The following WWOX variants were observed in gnomAD, a reference collection of about 807,000 sequenced individuals.
The protein encoded by WWOX is WW domain-containing oxidoreductase.
WWOX carries 69 observed loss-of-function variants against 46.2 expected under a neutral mutation model. The ratio of observed to expected loss-of-function variants is 1.49; its 90% CI spans 1.23 to 1.82. The LOEUF is 1.82. WWOX is among the 40% of genes most tolerant of loss of function. The pLI, the probability that WWOX is intolerant of heterozygous loss-of-function variation, is 0.00. For synonymous variants in WWOX, 359 were observed against 202.6 expected, an observed-to-expected ratio of 1.77 and a Z score of -6.56; for missense variants, 919 against 542.6, an observed-to-expected ratio of 1.69 and a Z score of -6.89.
chr16:78,617,089 C>T (rs111466109), intron 8 of WWOX, among the ~76,000 whole-genome samples: 1 of 152,114 alleles, frequency 6.6e-6, no homozygotes, highest in Non-Finnish European at 1.5e-5. Context: ...TCTGTTCAAC[C>T]CTCCACATCA....
chr16:78,865,883 A>G (rs562285111), intron 8 of WWOX, among the ~76,000 whole-genome samples: 2 of 152,350 alleles, frequency 1.3e-5, no homozygotes, highest in South Asian at 2.1e-4. Context: ...GTCTCAAAAA[A>G]TAAACAAGAA....
intron 8 of WWOX, among the ~76,000 whole-genome samples, chr16:78,478,141 T>A (rs1020887383): frequency 6.6e-6 from 1 of 152,196 alleles, no homozygotes; most frequent in African/African-American, 2.4e-5. Context: ...CACAGCAAGG[T>A]ATGTACGGTT....
chr16:78,457,884 C>T (rs2083858113), intron 8 of WWOX, among the ~76,000 whole-genome samples: 1 of 140,596 alleles, frequency 7.1e-6, no homozygotes, highest in Non-Finnish European at 1.5e-5. Flanking sequence ...CTACTGCACT[C>T]CAGCCTGAGC....
chr16:79,199,816 G>A (rs1319249468), intron 8 of WWOX, among the ~76,000 whole-genome samples: 2 of 152,182 alleles, frequency 1.3e-5, no homozygotes, highest in East Asian at 1.9e-4. Context: ...ACCTCCCTGA[G>A]TAGCAATGTG....
At chr16:78,544,428 C>T (rs2043972849) in intron 8 of WWOX, among the ~76,000 whole-genome samples, 1 of 152,178 alleles carries the variant, frequency 6.6e-6, no homozygotes, top group African/African-American at 2.4e-5. Context: ...ATTAAGTAGT[C>T]AGTTCCTCAT....
intron 8 of WWOX, among the ~76,000 whole-genome samples, chr16:78,787,778 C>A (rs2050493368): frequency 6.6e-6 from 1 of 152,216 alleles, no homozygotes; most frequent in Admixed American, 6.5e-5. Flanking sequence ...TTTTATATTT[C>A]CACTTGCAGT....
intron 8 of WWOX, among the ~76,000 whole-genome samples, chr16:78,948,413 G>A (rs568392567): frequency 1.6e-4 from 25 of 152,226 alleles, no homozygotes; most frequent in African/African-American, 5.8e-4. Flanking sequence ...TTTCTGGGTG[G>A]CTAGACTGAA....
At chr16:78,383,628 G>T (rs2082001686) in intron 5 of WWOX, among the ~76,000 whole-genome samples, 1 of 152,142 alleles carries the variant, frequency 6.6e-6, no homozygotes, top group African/African-American at 2.4e-5. Flanking sequence ...TACTAAGTTT[G>T]TTAGACAATT....
At chr16:78,320,507 C>T (rs113035099) in intron 5 of WWOX, among the ~76,000 whole-genome samples, 1 of 152,116 alleles carries the variant, frequency 6.6e-6, no homozygotes, top group African/African-American at 2.4e-5. Flanking sequence ...AATAAATCCC[C>T]GTAAGAGCAT....
At chr16:79,132,130 A>G (rs1340983490) in intron 8 of WWOX, among the ~76,000 whole-genome samples, 1 of 40,640 alleles carries the variant, frequency 2.5e-5, no homozygotes, top group Non-Finnish European at 4.8e-5. Flanking sequence ...TTGCAGAAAC[A>G]CACACACACA....
At chr16:78,845,110 A>T (rs1194967721) in intron 8 of WWOX, among the ~76,000 whole-genome samples, 2 of 120,354 alleles carry the variant, frequency 1.7e-5, no homozygotes, top group Non-Finnish European at 3.6e-5. Flanking sequence ...CCCTGCATTC[A>T]TGCACTTTTT....
intron 8 of WWOX, among the ~76,000 whole-genome samples, chr16:78,928,449 G>A (rs1328396465): frequency 1.3e-5 from 2 of 151,898 alleles, no homozygotes; most frequent in East Asian, 1.9e-4. Context: ...TGATCTGCCC[G>A]CCTCGGCCTC....
chr16:78,768,866 A>C (rs1453011999), intron 8 of WWOX, among the ~76,000 whole-genome samples: 1 of 152,182 alleles, frequency 6.6e-6, no homozygotes, highest in Non-Finnish European at 1.5e-5. Context: ...AAAGGAGAGC[A>C]TGACCCGCCA....
At position 79,191,986 on chromosome 16, in the gene WWOX, G is replaced by A. The variant is rs557019862; in HGVS notation, c.1057-19622G>A. Among the ~76,000 whole-genome samples, 8 of 152,308 alleles carry A rather than the reference G, an allele frequency of 5.3e-5. No homozygotes were observed. In the South Asian group the frequency reaches 1.4e-3, roughly 28 times the overall value. On this transcript the variant is annotated intron_variant, in intron 8 of 8. Transcript: ENST00000566780. Reference sequence around the variant, plus strand: ...TAAGCTAAAAATGGCTTAAAATACCGCAATCACTTGAAACGCCTTACATAA... The same window carrying A: ...TAAGCTAAAAATGGCTTAAAATACCACAATCACTTGAAACGCCTTACATAA...
intron 8 of WWOX, among the ~76,000 whole-genome samples, chr16:78,519,570 C>T (rs571213069): frequency 2.6e-5 from 4 of 151,854 alleles, no homozygotes; most frequent in African/African-American, 7.3e-5. Flanking sequence ...AGAAAGTTTG[C>T]ATCCCCCCAA....
chr16:78,506,265 G>A (rs551826650), intron 8 of WWOX, among the ~76,000 whole-genome samples: 11 of 152,344 alleles, frequency 7.2e-5, no homozygotes, highest in South Asian at 6.2e-4. Context: ...GAGTCCAAGC[G>A]TGTTTTTGGC....
intron 8 of WWOX, among the ~76,000 whole-genome samples, chr16:78,561,689 A>G (rs1597269783): frequency 6.6e-6 from 1 of 152,290 alleles, no homozygotes; most frequent in East Asian, 1.9e-4. Flanking sequence ...AGAAGATATA[A>G]ACTGCAAAGA....
intron 8 of WWOX, among the ~76,000 whole-genome samples, chr16:78,693,660 C>A (rs2048038341): frequency 6.6e-6 from 1 of 152,082 alleles, no homozygotes; most frequent in Non-Finnish European, 1.5e-5. Context: ...GGTGCGGTGA[C>A]ATAACTATTG....
At chr16:78,619,695 A>G (rs2046129218) in intron 8 of WWOX, among the ~76,000 whole-genome samples, 1 of 151,808 alleles carries the variant, frequency 6.6e-6, no homozygotes, top group Non-Finnish European at 1.5e-5. Context: ...ACTTGAGCCC[A>G]GCAATTGGAG....
Sources: gnomAD v4.1 joint callset for allele counts (sites outside exome capture counted in the v4.1 genomes callset) on GRCh38, gnomAD v4.1.1 for gene constraint, MANE v1.5 for transcripts, NCBI Gene and HGNC (gene_info 2026-07-23, HGNC 2026-07-21) for gene names.